Variants in RAP1GAP observed in about 807,000 individuals in gnomAD.
RAP1GAP encodes RAP1 GTPase activating protein.
In RAP1GAP, 35 loss-of-function variants were observed where a neutral mutation model predicts 87.2. The ratio of observed to expected loss-of-function variants is 0.40; its 90% CI spans 0.31 to 0.53. The LOEUF (loss-of-function observed/expected upper bound fraction) is 0.53, where lower values mean the gene tolerates loss of function less well. RAP1GAP is among the 20% of genes least tolerant of loss of function. RAP1GAP has a pLI of 0.48. For synonymous variants in RAP1GAP, 375 were observed against 363.9 expected (o/e 1.03, Z -0.35); for missense variants, 734 against 898.9 (o/e 0.82, Z 2.35).
chr1:21,612,907 A>T, intron 10 of RAP1GAP: 1 of 514,464 alleles, frequency 1.9e-6, no homozygotes, highest in Non-Finnish European at 3.5e-6. Context: ...GTCCCCAAAC[A>T]TCACAGAGGT....
chr1:21,632,960 G>A (rs1390483230), intron 2 of RAP1GAP, among the ~76,000 whole-genome samples: 1 of 152,142 alleles, frequency 6.6e-6, no homozygotes, highest in African/African-American at 2.4e-5. Context: ...GGGCAGAGGG[G>A]GAGACCAAGC....
intron 7 of RAP1GAP, among the ~76,000 whole-genome samples, chr1:21,616,724 A>G (rs925325756): frequency 7.2e-5 from 11 of 152,216 alleles, no homozygotes; most frequent in Admixed American, 5.9e-4. Context: ...GGCTGCATCA[A>G]CCCATGACAT....
chr1:21,598,521 G>T lies in RAP1GAP; in HGVS notation c.1777-19C>A. The T allele has an allele frequency of 6.3e-7, 1 of 1,591,202 alleles. No individual in the cohort carries two copies. Among genetic ancestry groups the T allele is most frequent in the Admixed American group, 1.7e-5 (1 of 59,938 alleles). ...CGCTCTCCTGGGGAGGGGGTGGAAA[G>T]AGGGAGGGAGGTTAGCCTATGCCCT... On this transcript the variant is annotated intron_variant, in intron 21 of 24. Coordinates refer to ENST00000374765, the MANE Select transcript of RAP1GAP (RefSeq NM_002885.4).
In RAP1GAP at chr1:21,613,004, C is replaced by T. The variant is rs1445161006; in HGVS notation, c.528+172G>A. 9 of 717,880 alleles carry T rather than the reference C, an allele frequency of 1.3e-5. No individual in the cohort carries two copies. The highest frequency in any genetic ancestry group is 2.2e-5 in the Admixed American group (1 of 46,366). 44.5% of individuals were successfully genotyped at this position (717,880 alleles called of 1,614,324 possible). ...CTGCTGTGCACCCTGGGGGAAGGCA[C>T]AGGCCCTTTCGGTGGCTCCTCTTCT... On this transcript the variant is annotated intron_variant, in intron 10 of 24. Transcript: ENST00000374765. This position sits in a 1 kb window ranked among gnomAD's most constrained non-coding sequence, Gnocchi z 4.7.
chr1:21,627,138 G>C (rs764452434), intron 2 of RAP1GAP, among the ~76,000 whole-genome samples: 2 of 152,248 alleles, frequency 1.3e-5, no homozygotes, highest in Non-Finnish European at 2.9e-5. Context: ...CTCTGGGGCA[G>C]GGAGAGGAAA....
chr1:21,612,267 G>C (rs903285402), intron 10 of RAP1GAP, among the ~76,000 whole-genome samples, 158 bp from the exon 11 acceptor site: 1 of 152,146 alleles, frequency 6.6e-6, no homozygotes, highest in African/African-American at 2.4e-5. Flanking sequence ...TGTCCCCTCT[G>C]AAACTCAGGT....
At position 21,602,856 on chromosome 1, in the gene RAP1GAP, G is replaced by A. The variant is rs1231458529; in HGVS notation, c.1486C>T (p.Arg496Cys). 3.7e-6 allele frequency: 6 copies of A among 1,610,112 alleles called. No homozygotes were observed. The highest frequency in any genetic ancestry group is 5.1e-6 in the Non-Finnish European group (6 of 1,179,694). ...TRKKSGPFGS[R>C]RSSAIGIENI... ...TCGATGCCAATGGCGCTGCTGCGGC[G>A]GGAGCCGAACGGGCCCGACTTCTTC... is the stretch of plus-strand genomic sequence containing the variant. Residue 496 changes from arginine to cysteine, a missense_variant, in exon 19 of 25, where the codon CGC becomes TGC. By Grantham distance (180) the Arg-to-Cys change is radical (BLOSUM62 -3). This residue lies in a region of RAP1GAP where 249 missense variants were observed against 252.7 expected (regional missense o/e 0.99). Coordinates refer to ENST00000374765, the MANE Select transcript of RAP1GAP (RefSeq NM_002885.4).
Position 21,669,150 on chromosome 1 carries a change from TC to T in RAP1GAP, c.-149+103del. 1 of 1,156,422 alleles carries T rather than the reference TC, an allele frequency of 8.6e-7. No individual in the cohort carries two copies. The highest frequency in any genetic ancestry group is 1.1e-6 in the Non-Finnish European group (1 of 918,462). 71.6% of individuals were successfully genotyped at this position (1,156,422 alleles called of 1,614,324 possible). On this transcript the variant is annotated intron_variant, in intron 1 of 24. Coordinates refer to ENST00000374765, the MANE Select transcript of RAP1GAP (RefSeq NM_002885.4). The surrounding 1 kb of genome is among the most constrained non-coding windows in gnomAD (Gnocchi z 5.6). ...CCCACGCGTTCGCCCCCACCCTCCG[TC>T]CCCGCCCGCCCGCGCGGGGTCTTCG... is the stretch of plus-strand genomic sequence containing the variant.
At chr1:21,608,812 G>T in intron 16 of RAP1GAP, 38 bp downstream of exon 16, 2 of 1,572,348 alleles carry the variant, frequency 1.3e-6, no homozygotes, top group South Asian at 1.1e-5. Context: ...GTTGGAAGGT[G>T]AGAAGAGGGT....
At chr1:21,628,084 T>TC (rs780486382) in intron 2 of RAP1GAP, among the ~76,000 whole-genome samples, 2 of 152,148 alleles carry the variant, frequency 1.3e-5, no homozygotes, top group Admixed American at 6.5e-5. Context: ...AAACTCTGGC[T>TC]CCCCAAGTTT....
chr1:21,607,817 T>C (rs2075691660), intron 17 of RAP1GAP, among the ~76,000 whole-genome samples: 1 of 152,026 alleles, frequency 6.6e-6, no homozygotes, highest in Non-Finnish European at 1.5e-5. Context: ...CCAAGTCCAC[T>C]TCGAGCCCCG....
chr1:21,635,884 G>A (rs554451480), intron 2 of RAP1GAP, among the ~76,000 whole-genome samples: 11 of 152,336 alleles, frequency 7.2e-5, no homozygotes, highest in South Asian at 4.1e-4. Flanking sequence ...GTCTCAGGCC[G>A]GCTCTCTCAT....
chr1:21,611,869 C>G (rs1311874707), intron 11 of RAP1GAP, 53 bp from the exon 12 acceptor site: 1 of 1,550,416 alleles, frequency 6.4e-7, no homozygotes, highest in East Asian at 2.2e-5. Flanking sequence ...AAGCCCCTGC[C>G]CTCTGTCCCT....
Position 21,615,920 on chromosome 1 carries a change from T to C in RAP1GAP, c.291+1386A>G, listed in dbSNP as rs985725608. Among the ~76,000 whole-genome samples, 6 of 152,178 alleles carry C rather than the reference T, an allele frequency of 3.9e-5. No individual in the cohort carries two copies. The highest frequency in any genetic ancestry group is 2.0e-4 in the Admixed American group (3 of 15,282). On this transcript the variant is annotated intron_variant, in intron 7 of 24. Transcript: ENST00000374765. This position sits in a 1 kb window ranked among gnomAD's most constrained non-coding sequence, Gnocchi z 4.5. The stretch of plus-strand genomic sequence containing the variant: ...TAGGATGCAGGTCTCGCTCCACCTC[T>C]AGGGCTCAGCTGGGAAGTGGAATTC...
At position 21,622,326 on chromosome 1, in the gene RAP1GAP, C is replaced by T. The variant is rs1263688721; in HGVS notation, c.-18-2276G>A. ...GGGGTCCCTCCGCCATGCCGCCCCG[C>T]CCGGGTCCTCACCTGCCAGCTGGCC... On this transcript the variant is annotated intron_variant, in intron 3 of 24. Coordinates refer to ENST00000374765, the MANE Select transcript of RAP1GAP (RefSeq NM_002885.4). This position sits in a 1 kb window ranked among gnomAD's most constrained non-coding sequence, Gnocchi z 5.7. The T allele has an allele frequency of 2.0e-6, 1 of 506,190 alleles. No homozygotes were observed. The highest frequency in any genetic ancestry group is 3.5e-6 in the Non-Finnish European group (1 of 283,940). 31.4% of individuals were successfully genotyped at this position (506,190 alleles called of 1,614,324 possible). A position where few individuals can be genotyped will look rare whatever the true frequency, so the allele number is the denominator to read the frequency against.
At position 21,613,844 on chromosome 1, in the gene RAP1GAP, G is replaced by T; in HGVS notation, c.396-138C>A. ...TGATGATGGGTGTCAGGCTGACTCG[G>T]GTACTAACTTGCTGTGCAACCTCAA... On this transcript the variant is annotated intron_variant, in intron 8 of 24. Transcript: ENST00000374765. The surrounding 1 kb of genome is among the most constrained non-coding windows in gnomAD (Gnocchi z 4.7). The T allele has an allele frequency of 8.9e-7, 1 of 1,129,788 alleles. No individual in the cohort carries two copies. The highest frequency in any genetic ancestry group is 1.3e-6 in the Non-Finnish European group (1 of 765,358). The allele number at this position is 1,129,788 out of a possible 1,614,324, so 70.0% of individuals were successfully genotyped here.
chr1:21,627,789 C>T (rs2092702871), intron 2 of RAP1GAP, among the ~76,000 whole-genome samples: 1 of 152,118 alleles, frequency 6.6e-6, no homozygotes, highest in African/African-American at 2.4e-5. Flanking sequence ...ATCCACAGCC[C>T]CACTTATGCA....
intron 2 of RAP1GAP, among the ~76,000 whole-genome samples, chr1:21,640,916 G>T (rs956226635): frequency 6.6e-6 from 1 of 151,854 alleles, no homozygotes; most frequent in Non-Finnish European, 1.5e-5. Flanking sequence ...GTTATTTTTT[G>T]TGTGTGTGTG....
At chr1:21,631,685 TCAAAAAACAAAAACAAAAA>T (rs1158258812) in intron 2 of RAP1GAP, among the ~76,000 whole-genome samples, 4 of 151,994 alleles carry the variant, frequency 2.6e-5, no homozygotes, top group African/African-American at 2.4e-5. Flanking sequence ...AAACTCTGTC[TCAAAAAACAAAAACAAAAA>T]CAAAAAACAA....
Sources: gnomAD v4.1 joint callset for allele counts (sites outside exome capture counted in the v4.1 genomes callset) on GRCh38, gnomAD v4.1.1 for gene constraint, gnomAD v4.1.1 regional missense constraint, Gnocchi (gnomAD v3.1) non-coding constraint, MANE v1.5 for transcripts, NCBI Gene and HGNC (gene_info 2026-07-23, HGNC 2026-07-21) for gene names.